The following GPRIN3 variants were observed in gnomAD, a reference collection of about 807,000 sequenced individuals.
GPRIN3 encodes G protein-regulated inducer of neurite outgrowth 3.
In GPRIN3, 12 loss-of-function variants were observed where a neutral mutation model predicts 13.7. That is an observed-to-expected ratio of 0.87 (90% confidence interval 0.56 to 1.42). The LOEUF (loss-of-function observed/expected upper bound fraction) is 1.42. Among genes scored for constraint, GPRIN3 ranks in the 40% most tolerant of loss-of-function variants. The pLI is 0.00. For synonymous variants in GPRIN3, 377 were observed against 372.7 expected (o/e 1.01, Z -0.13); for missense variants, 1,009 against 958.7 (o/e 1.05, Z -0.69).
In GPRIN3 at chr4:89,244,378, T is replaced by A. The variant is rs1723029658; in HGVS notation, c.*3402A>T. On this transcript the variant is annotated 3_prime_UTR_variant, in exon 2 of 2. Coordinates refer to ENST00000609438, the MANE Select transcript of GPRIN3 (RefSeq NM_198281.3). The stretch of plus-strand genomic sequence containing the variant: ...AGAGAATTCTCAAGATTAAAAAAAA[T>A]TATCAAAGATCAAATTACATTCAAT... 1 of 152,142 alleles carries A rather than the reference T, an allele frequency of 6.6e-6. No individual in the cohort carries two copies. The highest frequency in any genetic ancestry group is 2.4e-5 in the African/African-American group (1 of 41,426). 9.4% of individuals were successfully genotyped at this position (152,142 alleles called of 1,614,324 possible). A position where few individuals can be genotyped will look rare whatever the true frequency, so the allele number is the denominator to read the frequency against.
chr4:89,276,611 G>C (rs1243561640), intron 1 of GPRIN3, among the ~76,000 whole-genome samples: 1 of 152,170 alleles, frequency 6.6e-6, no homozygotes, highest in African/African-American at 2.4e-5. Flanking sequence ...TCCTTGAAAG[G>C]TAAAAGAAGA....
chr4:89,249,868 A>G lies in GPRIN3; in HGVS notation c.243T>C (p.Pro81=). 6.2e-7 allele frequency: 1 copy of G among 1,614,220 alleles called. No homozygotes were observed. The highest frequency in any genetic ancestry group is 1.1e-5 in the South Asian group (1 of 91,084). The change falls in exon 2 of 2, where the codon CCT becomes CCC. Residue 81 remains proline (P), a synonymous_variant. Coordinates refer to ENST00000609438, the MANE Select transcript of GPRIN3 (RefSeq NM_198281.3). ...HETTQPDMSS[P]GVFNEVQKAP... ...CTTTCTGCACTTCATTGAACACACC[A>G]GGAGAAGACATATCTGGTTGGGTGG...
chr4:89,298,925 C>T (rs527838505), intron 1 of GPRIN3, among the ~76,000 whole-genome samples: 3 of 152,212 alleles, frequency 2.0e-5, no homozygotes, highest in African/African-American at 7.2e-5. Context: ...GATTTCATCA[C>T]TCAAAAGCCA....
At chr4:89,254,128 G>GGTGTGGGTGTGTGTGTGTGTGT (rs1723404609) in intron 1 of GPRIN3, among the ~76,000 whole-genome samples, 1 of 147,646 alleles carries the variant, frequency 6.8e-6, no homozygotes, top group Non-Finnish European at 1.5e-5. Context: ...GTTGCATCTG[G>GGTGTGGGTGTGTGTGTGTGTGT]GTGTGTGTGT....
At chr4:89,256,983 G>A (rs1723483322) in intron 1 of GPRIN3, among the ~76,000 whole-genome samples, 1 of 152,168 alleles carries the variant, frequency 6.6e-6, no homozygotes, top group Non-Finnish European at 1.5e-5. Flanking sequence ...TCAATCCTAG[G>A]AAACAGCCAC....
Position 89,243,093 on chromosome 4 carries a change from G to C in GPRIN3, c.*4687C>G, listed in dbSNP as rs1466092761. On this transcript the variant is annotated 3_prime_UTR_variant, in exon 2 of 2. Coordinates refer to ENST00000609438, the MANE Select transcript of GPRIN3 (RefSeq NM_198281.3). ...GGCAGATGTCACTGATCACTTGGGAGACAGAATTTTTCCACTTCAATCCAT... is the reference window on the plus strand; with the variant it reads ...GGCAGATGTCACTGATCACTTGGGACACAGAATTTTTCCACTTCAATCCAT... The C allele has an allele frequency of 6.6e-6, 1 of 152,168 alleles. No individual in the cohort carries two copies. Among genetic ancestry groups the C allele is most frequent in the Non-Finnish European group, 1.5e-5 (1 of 68,034 alleles). The allele number at this position is 152,168 out of a possible 1,614,324, so 9.4% of individuals were successfully genotyped here.
chr4:89,252,229 T>TCTGA (rs1411302567), intron 1 of GPRIN3, among the ~76,000 whole-genome samples: 2 of 152,146 alleles, frequency 1.3e-5, no homozygotes, highest in Non-Finnish European at 2.9e-5. Flanking sequence ...TGCCTCAACC[T>TCTGA]CTGAAAGTGC....
intron 1 of GPRIN3, among the ~76,000 whole-genome samples, chr4:89,292,931 A>G (rs975669717): frequency 1.3e-5 from 2 of 152,220 alleles, no homozygotes; most frequent in African/African-American, 4.8e-5. Flanking sequence ...GCCACATGGG[A>G]GTTAATCTCA....
In GPRIN3 at chr4:89,245,204, C is replaced by A. The variant is rs1723059495; in HGVS notation, c.*2576G>T. The A allele has an allele frequency of 6.6e-6, 1 of 152,164 alleles. No individual in the cohort carries two copies. 9.4% of individuals were successfully genotyped at this position (152,164 alleles called of 1,614,324 possible). A position where few individuals can be genotyped will look rare whatever the true frequency, so the allele number is the denominator to read the frequency against. On this transcript the variant is annotated 3_prime_UTR_variant, in exon 2 of 2. Coordinates refer to ENST00000609438, the MANE Select transcript of GPRIN3 (RefSeq NM_198281.3). ...TATTTATCCATCTGAAGATATATTT[C>A]TGTTAATGTCCTTAAAAGCTGTTAG...
Position 89,239,723 on chromosome 4 carries a change from G to A in GPRIN3, c.*8057C>T, listed in dbSNP as rs190555336. On this transcript the variant is annotated 3_prime_UTR_variant, in exon 2 of 2. Coordinates refer to ENST00000609438, the MANE Select transcript of GPRIN3 (RefSeq NM_198281.3). The stretch of plus-strand genomic sequence containing the variant: ...GTCTCCCAGGCTGGAGTGCAATGGC[G>A]CGAACTTGGCTCACTGCAACCTCTG... 8.5e-4 allele frequency: 130 copies of A among 152,240 alleles called. 1 individual carries two copies. In the Middle Eastern group the frequency reaches 0.017, roughly 20 times the overall value. 9.4% of individuals were successfully genotyped at this position (152,240 alleles called of 1,614,324 possible). A position where few individuals can be genotyped will look rare whatever the true frequency, so the allele number is the denominator to read the frequency against.
chr4:89,248,232 A>C lies in GPRIN3; in HGVS notation c.1879T>G (p.Ser627Ala). ...PGSGKKTPSR[S>A]VKASPRRPSR... The stretch of plus-strand genomic sequence containing the variant: ...GGCCTGCGTGGGCTGGCTTTGACGG[A>C]GCGAGATGGGGTCTTCTTGCCAGAA... Residue 627 changes from serine (S) to alanine (A), a missense_variant, in exon 2 of 2, where the codon TCC becomes GCC. Transcript: ENST00000609438. 1 of 1,614,166 alleles carries C rather than the reference A, an allele frequency of 6.2e-7. No homozygotes were observed. Among genetic ancestry groups the C allele is most frequent in the Non-Finnish European group, 8.5e-7 (1 of 1,180,024 alleles).
chr4:89,260,451 C>T (rs1026774994), intron 1 of GPRIN3, among the ~76,000 whole-genome samples: 11 of 152,192 alleles, frequency 7.2e-5, no homozygotes, highest in African/African-American at 2.7e-4. Context: ...AAGGAAAGAA[C>T]CCGTCACTCT....
At chr4:89,269,736 C>T (rs1414207677) in intron 1 of GPRIN3, among the ~76,000 whole-genome samples, 1 of 152,160 alleles carries the variant, frequency 6.6e-6, no homozygotes, top group Non-Finnish European at 1.5e-5. Context: ...GTAGGAATTT[C>T]CATTTCATCT....
intron 1 of GPRIN3, among the ~76,000 whole-genome samples, chr4:89,266,589 A>C (rs977236711): frequency 6.6e-6 from 1 of 152,250 alleles, no homozygotes; most frequent in African/African-American, 2.4e-5. Flanking sequence ...TTGCTATTGC[A>C]TTAAGGGTGA....
In GPRIN3 at chr4:89,249,338, T is replaced by C; in HGVS notation, c.773A>G (p.Gln258Arg). The stretch of plus-strand genomic sequence containing the variant: ...TTGAGGTGTCACAGAAGTTGTGCCT[T>C]GGGGGCCCGAGGCAGTGACAGAGGG... ...KQPSVTASGPQGTTSVTPQPT... is the reference protein window; with the variant it reads ...KQPSVTASGPRGTTSVTPQPT... The change falls in exon 2 of 2, where the codon CAA becomes CGA. Residue 258 changes from glutamine (Q) to arginine (R), a missense_variant. Transcript: ENST00000609438. 1 of 1,614,070 alleles carries C rather than the reference T, an allele frequency of 6.2e-7. No homozygotes were observed. Among genetic ancestry groups the C allele is most frequent in the Non-Finnish European group, 8.5e-7 (1 of 1,179,996 alleles).
chr4:89,290,409 T>A (rs1724539215), intron 1 of GPRIN3, among the ~76,000 whole-genome samples: 1 of 152,126 alleles, frequency 6.6e-6, no homozygotes, highest in Non-Finnish European at 1.5e-5. Context: ...AAAGCATTGA[T>A]GGAGCAATAG....
intron 1 of GPRIN3, among the ~76,000 whole-genome samples, chr4:89,275,340 G>A (rs1724064399): frequency 6.6e-6 from 1 of 152,090 alleles, no homozygotes; most frequent in African/African-American, 2.4e-5. Context: ...AATTTTTACC[G>A]ATAATGTCTA....
intron 1 of GPRIN3, among the ~76,000 whole-genome samples, chr4:89,286,965 G>A (rs559542457): frequency 6.6e-6 from 1 of 152,266 alleles, no homozygotes; most frequent in Admixed American, 6.5e-5. Context: ...AATAGCCACT[G>A]CACTTCACTC....
Position 89,248,508 on chromosome 4 carries a change from C to T in GPRIN3, c.1603G>A (p.Ala535Thr). Reference protein sequence around the residue: ...GSLDPTNKGDAREKKPASPQV... With the variant: ...GSLDPTNKGDTREKKPASPQV... ...GGAGATGCAGGCTTCTTTTCCCTTG[C>T]ATCTCCTTTATTAGTGGGATCCAAG... is the stretch of plus-strand genomic sequence containing the variant. The change falls in exon 2 of 2, where the codon GCA becomes ACA. Residue 535 changes from alanine to threonine, a missense_variant. Transcript: ENST00000609438. 6.2e-7 allele frequency: 1 copy of T among 1,613,178 alleles called. No homozygotes were observed. The highest frequency in any genetic ancestry group is 8.5e-7 in the Non-Finnish European group (1 of 1,179,506).
Sources: allele counts gnomAD v4.1 joint callset (sites outside exome capture counted in the v4.1 genomes callset), GRCh38; gene constraint gnomAD v4.1.1; transcripts MANE v1.5; gene names NCBI Gene and HGNC (gene_info 2026-07-23, HGNC 2026-07-21).